TRHDE: variants seen among roughly 807,000 people sequenced by gnomAD.
TRHDE encodes thyrotropin-releasing hormone-degrading ectoenzyme.
Under a neutral mutation model 125.7 loss-of-function variants are expected in TRHDE, and 72 were observed. The ratio of observed to expected loss-of-function variants is 0.57; its 90% CI spans 0.47 to 0.70. The LOEUF (loss-of-function observed/expected upper bound fraction) is 0.70. TRHDE is among the 30% of genes least tolerant of loss of function. The pLI is 0.00. For missense variants in TRHDE, 1,110 were observed against 1,327.1 expected (o/e 0.84, Z 2.54); for synonymous variants, 509 against 509.1 (o/e 1.00, Z 0.00).
At chr12:72,232,012 G>T (rs1878256303) in intron 2 of TRHDE, among the ~76,000 whole-genome samples, 1 of 152,188 alleles carries the variant, frequency 6.6e-6, no homozygotes, top group Non-Finnish European at 1.5e-5. Flanking sequence ...TGGCTGCTAG[G>T]TAGGGACTTG....
chr12:72,187,868 C>G (rs933980980), intron 2 of TRHDE, among the ~76,000 whole-genome samples: 1 of 152,058 alleles, frequency 6.6e-6, no homozygotes, highest in East Asian at 1.9e-4. Flanking sequence ...ACTGCATTAC[C>G]AGATTAAATG....
chr12:72,452,304 T>C (rs1875618512), intron 3 of TRHDE, among the ~76,000 whole-genome samples: 1 of 152,202 alleles, frequency 6.6e-6, no homozygotes, highest in African/African-American at 2.4e-5. Context: ...ATCCTGCAAC[T>C]TTACTGAATT....
intron 2 of TRHDE, among the ~76,000 whole-genome samples, chr12:72,130,706 A>C (rs1875840586): frequency 6.6e-6 from 1 of 152,206 alleles, no homozygotes; most frequent in African/African-American, 2.4e-5. Flanking sequence ...CTAACAAGGA[A>C]AGTTCAAAAA....
At chr12:72,600,009 C>T (rs1872143292) in intron 12 of TRHDE, among the ~76,000 whole-genome samples, 1 of 151,954 alleles carries the variant, frequency 6.6e-6, no homozygotes, top group Non-Finnish European at 1.5e-5. Context: ...AATCCTTTCC[C>T]CATTGCTTAT....
At chr12:72,131,367 C>T (rs912318087) in intron 2 of TRHDE, among the ~76,000 whole-genome samples, 12 of 151,904 alleles carry the variant, frequency 7.9e-5, no homozygotes, top group Admixed American at 3.3e-4. Flanking sequence ...CCACCGCGCC[C>T]GGCCTCTACT....
At chr12:72,647,414 A>G (rs1185948862) in intron 15 of TRHDE, among the ~76,000 whole-genome samples, 1 of 152,064 alleles carries the variant, frequency 6.6e-6, no homozygotes, top group Non-Finnish European at 1.5e-5. Flanking sequence ...ATAGAAAAAG[A>G]AGAACAAACT....
At chr12:72,660,937 A>C (rs1234059501) in intron 18 of TRHDE, among the ~76,000 whole-genome samples, 2 of 152,156 alleles carry the variant, frequency 1.3e-5, no homozygotes, top group Admixed American at 6.5e-5. Flanking sequence ...CGCTAGGGCC[A>C]GTCAGAGGCA....
At chr12:72,240,540 G>A (rs1878456259) in intron 2 of TRHDE, among the ~76,000 whole-genome samples, 2 of 151,562 alleles carry the variant, frequency 1.3e-5, no homozygotes, top group Admixed American at 1.3e-4. Context: ...TTAGCAGAGA[G>A]CTTTTTGCTT....
rs935967890 is a variant in TRHDE, at chr12:72,344,562, T to G, written c.1189-33433T>G. ...TCCTACCGTGTGCCATGTCCTGGTT[T>G]GGGTTCCAGTGATAGGATGATGCAA... On this transcript the variant is annotated intron_variant, in intron 2 of 18. Transcript: ENST00000261180. 2.6e-5 allele frequency among the ~76,000 whole-genome samples: 4 copies of G among 152,230 alleles called. No individual in the cohort carries two copies. The South Asian group carries it at 8.3e-4, about 32-fold the overall frequency.
intron 15 of TRHDE, among the ~76,000 whole-genome samples, chr12:72,625,367 A>G (rs1171884565): frequency 6.6e-6 from 1 of 151,862 alleles, no homozygotes; most frequent in East Asian, 1.9e-4. Context: ...TGGTATCTTC[A>G]CTATACTTAA....
intron 1 of TRHDE, among the ~76,000 whole-genome samples, chr12:72,283,262 A>T (rs1327698932): frequency 6.6e-6 from 1 of 152,184 alleles, no homozygotes; most frequent in African/African-American, 2.4e-5. Flanking sequence ...GTAATTTAAC[A>T]TCTTTAAAAA....
chr12:72,605,114 T>G (rs1031025269), intron 12 of TRHDE, among the ~76,000 whole-genome samples: 8 of 152,096 alleles, frequency 5.3e-5, no homozygotes, highest in Non-Finnish European at 1.2e-4. Context: ...AGTAGGTAGC[T>G]ATTAGAAGCA....
intron 2 of TRHDE, among the ~76,000 whole-genome samples, chr12:72,304,008 T>A (rs1868299688): frequency 6.6e-6 from 1 of 152,164 alleles, no homozygotes; most frequent in South Asian, 2.1e-4. Context: ...TCATTATCCT[T>A]ATTTTATAGA....
At chr12:72,284,244 G>A (rs1444072517) in intron 1 of TRHDE, among the ~76,000 whole-genome samples, 2 of 152,104 alleles carry the variant, frequency 1.3e-5, no homozygotes, top group Non-Finnish European at 2.9e-5. Flanking sequence ...CACTCAACCT[G>A]TATAGCATAA....
At chr12:72,584,692 G>A (rs537668895) in intron 12 of TRHDE, among the ~76,000 whole-genome samples, 1 of 152,186 alleles carries the variant, frequency 6.6e-6, no homozygotes, top group South Asian at 2.1e-4. Flanking sequence ...TTAACATAAT[G>A]TCCTCCAGGT....
chr12:72,387,006 C>T (rs548574820), intron 3 of TRHDE, among the ~76,000 whole-genome samples: 143 of 152,262 alleles, frequency 9.4e-4, no homozygotes, highest in South Asian at 7.2e-3. Context: ...TTGCTATTTA[C>T]ATTGGTAGTG....
chr12:72,578,499 T>C (rs991469852), intron 12 of TRHDE, among the ~76,000 whole-genome samples: 1 of 152,174 alleles, frequency 6.6e-6, no homozygotes, highest in African/African-American at 2.4e-5. Flanking sequence ...TGAGGACTTA[T>C]CTGTCCTTCC....
intron 9 of TRHDE, among the ~76,000 whole-genome samples, chr12:72,563,867 A>G (rs1870304885): frequency 6.6e-6 from 1 of 152,096 alleles, no homozygotes; most frequent in East Asian, 1.9e-4. Flanking sequence ...ACGCAATGAG[A>G]TGTTTGGATT....
chr12:72,334,507 G>A (rs1869743356), intron 2 of TRHDE, among the ~76,000 whole-genome samples: 1 of 152,190 alleles, frequency 6.6e-6, no homozygotes, highest in Non-Finnish European at 1.5e-5. Flanking sequence ...TGTTTATAGT[G>A]TACTTTTTAC....
Sources: gnomAD v4.1 joint callset for allele counts (sites outside exome capture counted in the v4.1 genomes callset) on GRCh38, gnomAD v4.1.1 for gene constraint, MANE v1.5 for transcripts, NCBI Gene and HGNC (gene_info 2026-07-23, HGNC 2026-07-21) for gene names.